The following CSMD3 variants were observed in gnomAD, a reference collection of about 807,000 sequenced individuals.
The protein encoded by CSMD3 is CUB and sushi domain-containing protein 3.
Under a neutral mutation model 435.2 loss-of-function variants are expected in CSMD3, and 177 were observed. The ratio of observed to expected loss-of-function variants is 0.41; its 90% CI spans 0.36 to 0.46. The LOEUF is 0.46. Among genes scored for constraint, CSMD3 ranks in the 20% least tolerant of loss-of-function variants. The pLI, the probability that CSMD3 is intolerant of heterozygous loss-of-function variation, is 0.34. For synonymous variants in CSMD3, 1,656 were observed against 1,520.5 expected (o/e 1.09, Z -2.07); for missense variants, 4,265 against 4,504.6 (o/e 0.95, Z 1.52).
At chr8:112,375,080 A>C (rs115590940) in intron 38 of CSMD3, among the ~76,000 whole-genome samples, 139 of 152,280 alleles carry the variant, frequency 9.1e-4, no homozygotes, top group African/African-American at 3.2e-3. Flanking sequence ...ATTTGTTCTT[A>C]TGCTCATTCA....
intron 30 of CSMD3, among the ~76,000 whole-genome samples, chr8:112,501,054 C>T (rs1418849010): frequency 6.6e-6 from 1 of 152,016 alleles, no homozygotes; most frequent in Non-Finnish European, 1.5e-5. Flanking sequence ...TGGCTTTCCC[C>T]TTTTGGATGC....
chr8:112,684,493 T>G (rs2075969547), intron 15 of CSMD3, among the ~76,000 whole-genome samples: 1 of 152,056 alleles, frequency 6.6e-6, no homozygotes, highest in South Asian at 2.1e-4. Flanking sequence ...ACTTAAATAT[T>G]AACTCATCCA....
At chr8:112,472,763 C>A (rs1451804952) in intron 31 of CSMD3, 56 bp from the exon 32 acceptor site, 1 of 890,368 alleles carries the variant, frequency 1.1e-6, no homozygotes, top group East Asian at 2.4e-5. Flanking sequence ...AAAATTCATA[C>A]CATGGTTATC....
chr8:112,982,588 C>T (rs971855907), intron 6 of CSMD3, among the ~76,000 whole-genome samples: 2 of 152,068 alleles, frequency 1.3e-5, no homozygotes, highest in African/African-American at 4.8e-5. Context: ...TGGCAGCTCT[C>T]ATGGAAGAAT....
At chr8:112,825,860 T>G (rs2079663016) in intron 12 of CSMD3, among the ~76,000 whole-genome samples, 1 of 152,216 alleles carries the variant, frequency 6.6e-6, no homozygotes, top group Non-Finnish European at 1.5e-5. Flanking sequence ...TGACTGTCCC[T>G]TGGTGGACAG....
intron 9 of CSMD3, among the ~76,000 whole-genome samples, chr8:112,944,117 A>G (rs1250640639): frequency 2.0e-5 from 3 of 151,478 alleles, no homozygotes; most frequent in African/African-American, 7.3e-5. Context: ...GTAAAAAACT[A>G]TTTTTCATTT....
chr8:112,539,623 C>T (rs1372135542), intron 27 of CSMD3, among the ~76,000 whole-genome samples: 2 of 152,036 alleles, frequency 1.3e-5, no homozygotes, highest in East Asian at 1.9e-4. Context: ...ATCCATACAT[C>T]TACAGCCAAC....
At chr8:112,889,498 T>C (rs2081716045) in intron 10 of CSMD3, among the ~76,000 whole-genome samples, 2 of 151,704 alleles carry the variant, frequency 1.3e-5, no homozygotes, top group Admixed American at 6.6e-5. Flanking sequence ...ATTAGTTTAT[T>C]TCTAGATCTC....
intron 22 of CSMD3, among the ~76,000 whole-genome samples, chr8:112,589,228 C>T (rs1830974961): frequency 6.6e-6 from 1 of 152,030 alleles, no homozygotes; most frequent in Admixed American, 6.6e-5. Flanking sequence ...TGTGCCTGTC[C>T]AGCTATTACC....
chr8:112,879,840 C>T (rs1043665405), intron 10 of CSMD3, among the ~76,000 whole-genome samples: 13 of 151,898 alleles, frequency 8.6e-5, no homozygotes, highest in African/African-American at 2.7e-4. Flanking sequence ...AAACACCATA[C>T]GTTCTCACTT....
chr8:112,517,556 CT>C (rs943879003), intron 27 of CSMD3, among the ~76,000 whole-genome samples: 3 of 151,730 alleles, frequency 2.0e-5, no homozygotes, highest in Middle Eastern at 3.2e-3. Flanking sequence ...ATATAAACAA[CT>C]CTCGAAACTC....
chr8:112,897,272 C>T (rs2081974026), intron 10 of CSMD3, among the ~76,000 whole-genome samples: 1 of 151,298 alleles, frequency 6.6e-6, no homozygotes, highest in Non-Finnish European at 1.5e-5. Flanking sequence ...GAACAGAGAC[C>T]ATGTCCATTA....
At chr8:112,374,313 C>T (rs1325686833) in intron 38 of CSMD3, among the ~76,000 whole-genome samples, 1 of 152,086 alleles carries the variant, frequency 6.6e-6, no homozygotes, top group Non-Finnish European at 1.5e-5. Context: ...AGTCCCTCTC[C>T]CCTATTACCT....
intron 11 of CSMD3, among the ~76,000 whole-genome samples, chr8:112,833,494 T>G (rs1480681534): frequency 1.3e-5 from 2 of 152,128 alleles, no homozygotes; most frequent in Admixed American, 1.3e-4. Flanking sequence ...AAAACATTTG[T>G]AAATTATTTT....
chr8:113,124,418 A>T (rs374222630), intron 4 of CSMD3, among the ~76,000 whole-genome samples: 18 of 152,078 alleles, frequency 1.2e-4, no homozygotes, highest in African/African-American at 4.3e-4. Flanking sequence ...GTATAATAAT[A>T]AAGACATTAT....
chr8:112,859,366 A>T, intron 10 of CSMD3, 100 bp from the exon 11 acceptor site: 2 of 958,752 alleles, frequency 2.1e-6, no homozygotes, highest in East Asian at 5.2e-5. Context: ...AAATGACACA[A>T]TTATAACCAC....
chr8:112,637,532 C>T (rs936472542), intron 21 of CSMD3, among the ~76,000 whole-genome samples: 1 of 152,062 alleles, frequency 6.6e-6, no homozygotes, highest in East Asian at 1.9e-4. Context: ...AGTGACCACA[C>T]ATTGAAAACT....
chr8:112,315,554 A>T (rs892506239), intron 47 of CSMD3, among the ~76,000 whole-genome samples: 2 of 151,872 alleles, frequency 1.3e-5, no homozygotes, highest in Non-Finnish European at 2.9e-5. Flanking sequence ...TGCAGAAGTA[A>T]ACCAATATGC....
chr8:112,858,798 T>C (rs80327054), intron 11 of CSMD3, among the ~76,000 whole-genome samples: 5,172 of 151,882 alleles, frequency 0.034, 147 homozygotes, highest in Middle Eastern at 0.051. Flanking sequence ...AAAAACAGGA[T>C]TGACCTGAAT....
Sources: gnomAD v4.1 joint callset for allele counts (sites outside exome capture counted in the v4.1 genomes callset) on GRCh38, gnomAD v4.1.1 for gene constraint, MANE v1.5 for transcripts, NCBI Gene and HGNC (gene_info 2026-07-23, HGNC 2026-07-21) for gene names.